TMEM132B: variants seen among roughly 807,000 people sequenced by gnomAD.
The protein encoded by TMEM132B is transmembrane protein 132B.
In TMEM132B, 18 loss-of-function variants were observed where a neutral mutation model predicts 90.8. The ratio of observed to expected loss-of-function variants is 0.20; its 90% CI spans 0.14 to 0.29. The LOEUF is 0.29. TMEM132B is among the 10% of genes least tolerant of loss of function. The pLI is 1.00. For synonymous variants in TMEM132B, 504 were observed against 523.3 expected (o/e 0.96, Z 0.50); for missense variants, 1,096 against 1,326.8 (o/e 0.83, Z 2.70).
chr12:125,322,040 C>T (rs772516468), intron 1 of TMEM132B, among the ~76,000 whole-genome samples: 3 of 152,086 alleles, frequency 2.0e-5, no homozygotes, highest in Non-Finnish European at 4.4e-5. Flanking sequence ...TAAAAGAAGT[C>T]GGGCACAAAG....
rs550580404 is a variant in TMEM132B, at chr12:125,478,802, A to G, written c.1107-40637A>G. On this transcript the variant is annotated intron_variant, in intron 3 of 8. Transcript: ENST00000682704. ...CTTGAGAAGAGCAACCCCAAGACACATAATTGTCAGATTCACCAAAGTTGA... is the reference window on the plus strand; with the variant it reads ...CTTGAGAAGAGCAACCCCAAGACACGTAATTGTCAGATTCACCAAAGTTGA... 1.9e-3 allele frequency among the ~76,000 whole-genome samples: 294 copies of G among 152,330 alleles called. 1 individual carries two copies. The highest frequency in any genetic ancestry group is 3.2e-3 in the Non-Finnish European group (218 of 68,026).
intron 3 of TMEM132B, among the ~76,000 whole-genome samples, chr12:125,474,944 G>T (rs1386227132): frequency 3.3e-5 from 5 of 152,196 alleles, no homozygotes; most frequent in Admixed American, 3.3e-4. Flanking sequence ...TCTAAAGAAA[G>T]CCCCAGAAAT....
At position 125,213,433 on chromosome 12, in the gene TMEM132B, T is replaced by C. The variant is rs1476956299; in HGVS notation, c.67+26567T>C. Among the ~76,000 whole-genome samples the C allele has an allele frequency of 6.6e-6, 1 of 152,254 alleles. No homozygotes were observed. Among genetic ancestry groups the C allele is most frequent in the African/African-American group, 2.4e-5 (1 of 41,460 alleles). On this transcript the variant is annotated intron_variant, in intron 1 of 8. Coordinates refer to ENST00000682704, the MANE Select transcript of TMEM132B (RefSeq NM_001366854.1). The surrounding 1 kb of genome is among the most constrained non-coding windows in gnomAD (Gnocchi z 4.2). Reference sequence around the variant, plus strand: ...GCACCTGTTTTCATTCTTTCTGGTATACCTGGGTAATTTTTAAAAGCTCCA... The same window carrying C: ...GCACCTGTTTTCATTCTTTCTGGTACACCTGGGTAATTTTTAAAAGCTCCA...
At chr12:125,584,895 G>A (rs2136873227) in intron 5 of TMEM132B, 1 of 152,314 alleles carries the variant, frequency 6.6e-6, no homozygotes, top group Admixed American at 6.5e-5. Context: ...GAGCCCCAAA[G>A]TCCAATCTAT....
At chr12:125,452,730 A>T (rs1316447336) in intron 3 of TMEM132B, among the ~76,000 whole-genome samples, 1 of 152,272 alleles carries the variant, frequency 6.6e-6, no homozygotes, top group South Asian at 2.1e-4. Flanking sequence ...ACTGACAACA[A>T]CATTGAACAT....
chr12:125,570,513 C>A (rs1884765792), intron 4 of TMEM132B, among the ~76,000 whole-genome samples: 1 of 152,208 alleles, frequency 6.6e-6, no homozygotes. Context: ...TTAACAGAGT[C>A]ACATTTTATT....
rs1485794825 is a variant in TMEM132B, at chr12:125,661,982, G to A, written c.*7272G>A. 1.3e-5 allele frequency: 2 copies of A among 152,248 alleles called. No homozygotes were observed. Among genetic ancestry groups the A allele is most frequent in the East Asian group, 3.9e-4 (2 of 5,184 alleles). 9.4% of individuals were successfully genotyped at this position (152,248 alleles called of 1,614,324 possible). ...TCTTAGGTATCAGTTCCCAGCCTCA[G>A]ACTCTTCTCAGGCAGGTGGACCGGA... On this transcript the variant is annotated 3_prime_UTR_variant, in exon 9 of 9. Transcript: ENST00000682704.
intron 1 of TMEM132B, among the ~76,000 whole-genome samples, chr12:125,230,657 T>G (rs1201716621): frequency 6.6e-6 from 1 of 150,954 alleles, no homozygotes; most frequent in Non-Finnish European, 1.5e-5. Flanking sequence ...ATTTTTGTGG[T>G]TTTTTTGTGT....
At chr12:125,325,574 T>C (rs2136195104) in intron 1 of TMEM132B, among the ~76,000 whole-genome samples, 1 of 152,328 alleles carries the variant, frequency 6.6e-6, no homozygotes, top group Non-Finnish European at 1.5e-5. Context: ...CGGAGAACTC[T>C]GGAAACATGG....
intron 1 of TMEM132B, among the ~76,000 whole-genome samples, chr12:125,336,911 C>T (rs564162669): frequency 2.0e-5 from 3 of 152,346 alleles, no homozygotes; most frequent in African/African-American, 7.2e-5. Flanking sequence ...CTTATTTAAA[C>T]AGTCTCCAAG....
chr12:125,637,269 G>T (rs1250800542), intron 5 of TMEM132B, among the ~76,000 whole-genome samples: 1 of 152,184 alleles, frequency 6.6e-6, no homozygotes, highest in African/African-American at 2.4e-5. Context: ...AACTAAGAAT[G>T]AACTCAACAT....
chr12:125,542,912 T>C (rs1000863713), intron 4 of TMEM132B, among the ~76,000 whole-genome samples: 1 of 152,212 alleles, frequency 6.6e-6, no homozygotes, highest in Non-Finnish European at 1.5e-5. Flanking sequence ...GCGTCAGCAA[T>C]GTGGCAGCTG....
intron 1 of TMEM132B, among the ~76,000 whole-genome samples, chr12:125,242,706 G>T (rs968976310): frequency 6.6e-6 from 1 of 152,232 alleles, no homozygotes; most frequent in African/African-American, 2.4e-5. Flanking sequence ...TGAGCCTGCA[G>T]GCCTCCTTTG....
chr12:125,284,389 G>T (rs569138156), intron 1 of TMEM132B, among the ~76,000 whole-genome samples: 241 of 152,288 alleles, frequency 1.6e-3, no homozygotes, highest in Non-Finnish European at 2.4e-3. Context: ...CTGTGCATGT[G>T]CTGGGCTCTG....
chr12:125,383,268 A>G (rs1878736220), intron 2 of TMEM132B, among the ~76,000 whole-genome samples: 1 of 152,174 alleles, frequency 6.6e-6, no homozygotes, highest in Admixed American at 6.5e-5. Context: ...GGAGTTATTC[A>G]TGGACCACCT....
chr12:125,293,746 C>G (rs1875600713), intron 1 of TMEM132B, among the ~76,000 whole-genome samples: 1 of 152,192 alleles, frequency 6.6e-6, no homozygotes, highest in Non-Finnish European at 1.5e-5. Context: ...GTGAATAGTG[C>G]TTATTGCAGC....
intron 4 of TMEM132B, among the ~76,000 whole-genome samples, chr12:125,521,424 T>C (rs11612396): frequency 0.26 from 39,665 of 152,124 alleles, 5,677 homozygotes; most frequent in African/African-American, 0.34. Flanking sequence ...CATAGCTACA[T>C]AATGTACAAA....
intron 5 of TMEM132B, among the ~76,000 whole-genome samples, chr12:125,614,671 G>A (rs538490433): frequency 1.3e-5 from 2 of 152,116 alleles, no homozygotes; most frequent in South Asian, 4.1e-4. Flanking sequence ...CACTTTTAGT[G>A]GGAATGTAAA....
chr12:125,514,434 T>C (rs1883056640), intron 3 of TMEM132B, among the ~76,000 whole-genome samples: 1 of 152,156 alleles, frequency 6.6e-6, no homozygotes, highest in South Asian at 2.1e-4. Context: ...GCAAATCCTA[T>C]CTTGGGACAT....
Sources: gnomAD v4.1 joint callset for allele counts (sites outside exome capture counted in the v4.1 genomes callset) on GRCh38, gnomAD v4.1.1 for gene constraint, Gnocchi (gnomAD v3.1) non-coding constraint, MANE v1.5 for transcripts, NCBI Gene and HGNC (gene_info 2026-07-23, HGNC 2026-07-21) for gene names.